MRPS21: variants seen among roughly 807,000 people sequenced by gnomAD.
MRPS21 encodes the protein mitochondrial ribosomal protein S21, also known as small ribosomal subunit protein bS21m.
In MRPS21, 8 loss-of-function variants were observed where a neutral mutation model predicts 9.9. That is an observed-to-expected ratio of 0.81 (90% confidence interval 0.47 to 1.45). MRPS21 has a LOEUF of 1.45. Ranked by LOEUF, MRPS21 falls within the 40% of genes most tolerant of loss-of-function variation. The pLI is 0.00. For synonymous variants in MRPS21, 40 were observed against 40.3 expected (o/e 0.99, Z 0.03); for missense variants, 101 against 118.9 (o/e 0.85, Z 0.70).
intron 2 of MRPS21, among the ~76,000 whole-genome samples, chr1:150,303,282 C>T (rs1160787651): frequency 4.6e-5 from 7 of 151,962 alleles, no homozygotes; most frequent in Non-Finnish European, 8.8e-5. Flanking sequence ...GTACTTTTTA[C>T]ATTATATATC....
At chr1:150,294,496 C>T (rs782498149) in intron 2 of MRPS21, 47 bp downstream of exon 2, 2 of 1,485,598 alleles carry the variant, frequency 1.3e-6, no homozygotes, top group Non-Finnish European at 1.9e-6. Context: ...CTGGGAAGTG[C>T]GGTGGTTATT....
chr1:150,302,861 G>A (rs1654197080), intron 2 of MRPS21, among the ~76,000 whole-genome samples: 1 of 152,164 alleles, frequency 6.6e-6, no homozygotes, highest in South Asian at 2.1e-4. Flanking sequence ...TTTTTAGTAT[G>A]ACTAGAACGT....
chr1:150,294,804 A>T (rs1392538449), intron 2 of MRPS21, among the ~76,000 whole-genome samples: 2 of 150,668 alleles, frequency 1.3e-5, no homozygotes, highest in South Asian at 2.1e-4. Context: ...GAGCTGAGGC[A>T]GGAGAATCGC....
At chr1:150,295,606 G>A (rs977171434) in intron 2 of MRPS21, among the ~76,000 whole-genome samples, 1 of 152,140 alleles carries the variant, frequency 6.6e-6, no homozygotes. Flanking sequence ...AAAGGAAAAG[G>A]TGAATTCAGA....
rs587744147 is a variant in MRPS21 at position 150,296,347 on chromosome 1, G to A, written c.83+1898G>A. 3.3e-5 allele frequency among the ~76,000 whole-genome samples: 5 copies of A among 152,296 alleles called. No homozygotes were observed. In the South Asian group the frequency reaches 6.2e-4, roughly 19 times the overall value. On this transcript the variant is annotated intron_variant, in intron 2 of 2. Coordinates refer to ENST00000614145, the MANE Select transcript of MRPS21 (RefSeq NM_031901.6). The stretch of plus-strand genomic sequence containing the variant: ...ATTTTGACTTTCTGGTATGACTCAC[G>A]CGTCATTTTCTTTCCCCAATGTGAA...
intron 2 of MRPS21, among the ~76,000 whole-genome samples, chr1:150,302,355 TG>T (rs1299675853): frequency 1.3e-5 from 2 of 151,586 alleles, no homozygotes; most frequent in Non-Finnish European, 2.9e-5. Context: ...AGGTGGAGAG[TG>T]GGGGTTGCTA....
chr1:150,302,485 C>T (rs1654178326), intron 2 of MRPS21, among the ~76,000 whole-genome samples: 1 of 152,162 alleles, frequency 6.6e-6, no homozygotes, highest in Non-Finnish European at 1.5e-5. Context: ...AGTCCTTCTG[C>T]ATACACGTCT....
rs587630793 is a variant in MRPS21, at chr1:150,308,098, A to G, written c.134A>G (p.Tyr45Cys). The G allele has an allele frequency of 4.4e-6, 7 of 1,605,626 alleles. No individual in the cohort carries two copies. The South Asian group carries it at 5.5e-5, about 13-fold the overall frequency. The change falls in exon 3 of 3, where the codon TAT becomes TGT. Residue 45 changes from tyrosine to cysteine, a missense_variant. Transcript: ENST00000614145. ...GAGGACATTAAGCATCGGCGGTATT[A>G]TGAGAAGCCATGCTGCCGGCGACAG... is the stretch of plus-strand genomic sequence containing the variant. ...LIEDIKHRRY[Y>C]EKPCCRRQRE...
At chr1:150,300,787 T>C (rs1654086126) in intron 2 of MRPS21, among the ~76,000 whole-genome samples, 1 of 152,162 alleles carries the variant, frequency 6.6e-6, no homozygotes, top group South Asian at 2.1e-4. Context: ...AGTATTACCT[T>C]TTCTTCAGGG....
At chr1:150,306,059 C>G (rs953756951) in intron 2 of MRPS21, among the ~76,000 whole-genome samples, 3 of 152,150 alleles carry the variant, frequency 2.0e-5, no homozygotes, top group African/African-American at 7.2e-5. Context: ...GCAGATGATT[C>G]TGGGAACTTT....
chr1:150,294,115 C>T, intron 1 of MRPS21: 1 of 421,444 alleles, frequency 2.4e-6, no homozygotes, highest in South Asian at 2.3e-5. Context: ...TGGTAACGCC[C>T]TGCTGCCATC....
At chr1:150,302,988 CT>C (rs1369950838) in intron 2 of MRPS21, among the ~76,000 whole-genome samples, 3 of 152,140 alleles carry the variant, frequency 2.0e-5, no homozygotes, top group East Asian at 1.9e-4. Flanking sequence ...TATATTCTTT[CT>C]TTTCCCTTCA....
intron 2 of MRPS21, among the ~76,000 whole-genome samples, chr1:150,299,254 C>T (rs1171195906): frequency 1.3e-5 from 2 of 152,126 alleles, no homozygotes; most frequent in Non-Finnish European, 2.9e-5. Context: ...CCTTCCTGAT[C>T]CTCTTCACTG....
At position 150,294,392 on chromosome 1, in the gene MRPS21, C is replaced by T. The variant is rs782519181; in HGVS notation, c.26C>T (p.Ala9Val). The T allele has an allele frequency of 6.8e-6, 11 of 1,613,630 alleles. No homozygotes were observed. The highest frequency in any genetic ancestry group is 9.3e-6 in the Non-Finnish European group (11 of 1,179,848). The change falls in exon 2 of 3, where the codon GCC becomes GTC. Residue 9 changes from alanine (A) to valine (V), a missense_variant. Coordinates refer to ENST00000614145, the MANE Select transcript of MRPS21 (RefSeq NM_031901.6). The part of the protein sequence containing the change: MAKHLKFI[A>V]RTVMVQEGNV... ...ATGGCAAAACATCTGAAGTTCATCG[C>T]CAGGACTGTGATGGTACAGGAAGGG...
At chr1:150,307,351 T>A (rs868993945) in intron 2 of MRPS21, among the ~76,000 whole-genome samples, 13 of 23,766 alleles carry the variant, frequency 5.5e-4, no homozygotes, top group East Asian at 2.4e-3. Flanking sequence ...CCCAGTCCTT[T>A]TTTTTTTTTT....
intron 2 of MRPS21, chr1:150,305,084 C>T: frequency 6.6e-6 from 2 of 301,660 alleles, no homozygotes; most frequent in Non-Finnish European, 1.3e-5. Context: ...GGCTGGAGTG[C>T]AGTGCCACAA....
chr1:150,295,292 G>A (rs1182226299), intron 2 of MRPS21, among the ~76,000 whole-genome samples: 1 of 152,032 alleles, frequency 6.6e-6, no homozygotes, highest in East Asian at 1.9e-4. Flanking sequence ...CACAGCGCCC[G>A]GCCCCGCTTT....
rs1572154686 is a variant in MRPS21 at position 150,308,027 on chromosome 1, TCA to T, written c.84-20_84-19del. ...TAATGATGATCCCAAATGTCTAACC[TCA>T]TTGCTTGCCTTTATACAGAATCCTC... On this transcript the variant is annotated intron_variant, in intron 2 of 2. Coordinates refer to ENST00000614145, the MANE Select transcript of MRPS21 (RefSeq NM_031901.6). 7.1e-6 allele frequency: 11 copies of T among 1,549,038 alleles called. No homozygotes were observed. The East Asian group carries it at 2.5e-4, about 35-fold the overall frequency.
intron 2 of MRPS21, among the ~76,000 whole-genome samples, chr1:150,306,686 G>A (rs1318758577): frequency 6.6e-6 from 1 of 152,134 alleles, no homozygotes; most frequent in African/African-American, 2.4e-5. Context: ...GTAGAGACAG[G>A]GTTTCTCCAT....
Sources: gnomAD v4.1 joint callset for allele counts (sites outside exome capture counted in the v4.1 genomes callset) on GRCh38, gnomAD v4.1.1 for gene constraint, MANE v1.5 for transcripts, NCBI Gene and HGNC (gene_info 2026-07-23, HGNC 2026-07-21) for gene names.